MARCHF1: variants seen among roughly 807,000 people sequenced by gnomAD.
MARCHF1 encodes the protein membrane associated ring-CH-type finger 1.
A neutral mutation model predicts 54.2 loss-of-function variants in MARCHF1; 40 were observed. The ratio of observed to expected loss-of-function variants is 0.74; its 90% CI spans 0.57 to 0.96. The LOEUF is 0.96. MARCHF1 is among the 40% of genes least tolerant of loss of function. The pLI is 0.00. For missense variants in MARCHF1, 586 were observed against 656.5 expected, an observed-to-expected ratio of 0.89 and a Z score of 1.17; for synonymous variants, 236 against 236.3, an observed-to-expected ratio of 1.00 and a Z score of 0.01.
chr4:163,721,472 A>T (rs1451491150), intron 4 of MARCHF1, among the ~76,000 whole-genome samples: 4 of 151,990 alleles, frequency 2.6e-5, no homozygotes, highest in Non-Finnish European at 4.4e-5. Context: ...TTCATCAGGG[A>T]TGTTGGTCTA....
chr4:164,248,750 T>C (rs902898766), intron 1 of MARCHF1, among the ~76,000 whole-genome samples: 6 of 151,978 alleles, frequency 3.9e-5, no homozygotes, highest in Admixed American at 3.9e-4. Context: ...AAAAAATATA[T>C]ATATTACTGG....
At chr4:164,144,965 T>A (rs569206859) in intron 1 of MARCHF1, among the ~76,000 whole-genome samples, 1 of 109,486 alleles carries the variant, frequency 9.1e-6, no homozygotes, top group Non-Finnish European at 1.7e-5. Context: ...ATCAAATAGA[T>A]GCAATAAAAA....
At chr4:164,234,005 T>C (rs1217770583) in intron 1 of MARCHF1, among the ~76,000 whole-genome samples, 1 of 152,190 alleles carries the variant, frequency 6.6e-6, no homozygotes, top group East Asian at 1.9e-4. Flanking sequence ...AAATTATTTC[T>C]GAAGCATTTT....
At chr4:164,150,408 G>A (rs1183993458) in intron 1 of MARCHF1, among the ~76,000 whole-genome samples, 1 of 152,178 alleles carries the variant, frequency 6.6e-6, no homozygotes, top group Non-Finnish European at 1.5e-5. Flanking sequence ...AGACTTGTGT[G>A]TCTGCAAATA....
chr4:164,010,790 A>G (rs1353355875), intron 2 of MARCHF1, among the ~76,000 whole-genome samples: 1 of 152,188 alleles, frequency 6.6e-6, no homozygotes, highest in Non-Finnish European at 1.5e-5. Flanking sequence ...CAAGCACAAA[A>G]GACACCAAAT....
chr4:164,169,592 CA>C (rs1161377443), intron 1 of MARCHF1, among the ~76,000 whole-genome samples: 2 of 152,162 alleles, frequency 1.3e-5, no homozygotes, highest in Admixed American at 1.3e-4. Flanking sequence ...GGGATAATGG[CA>C]ATTCATAAAC....
chr4:163,583,650 G>GGGTTTTTTTTTT (rs1560956056), intron 8 of MARCHF1: 5 of 42,658 alleles, frequency 1.2e-4, no homozygotes, highest in African/African-American at 6.5e-4. Flanking sequence ...TGTTTTTTGT[G>GGGTTTTTTTTTT]TGTTTTTTTT....
At chr4:163,694,599 T>G (rs527495335) in intron 5 of MARCHF1, among the ~76,000 whole-genome samples, 4 of 152,256 alleles carry the variant, frequency 2.6e-5, no homozygotes, top group African/African-American at 9.6e-5. Context: ...CCTAGGAATA[T>G]TCTCATAGTG....
chr4:164,147,031 C>T (rs1448556663), intron 1 of MARCHF1, among the ~76,000 whole-genome samples: 1 of 151,996 alleles, frequency 6.6e-6, no homozygotes, highest in African/African-American at 2.4e-5. Context: ...ACAGACACTT[C>T]TCAAAAGAAG....
chr4:163,741,864 TA>T (rs1746205383), intron 4 of MARCHF1, among the ~76,000 whole-genome samples: 2 of 152,324 alleles, frequency 1.3e-5, no homozygotes, highest in South Asian at 4.2e-4. Context: ...ATATTATTTC[TA>T]ATTATTTCTA....
chr4:163,909,803 C>T (rs758584546), intron 3 of MARCHF1, among the ~76,000 whole-genome samples: 2 of 152,044 alleles, frequency 1.3e-5, no homozygotes, highest in Non-Finnish European at 2.9e-5. Context: ...AACAATCAGG[C>T]TATGGGCATA....
At chr4:163,769,428 T>C (rs747108598) in intron 4 of MARCHF1, among the ~76,000 whole-genome samples, 2 of 152,160 alleles carry the variant, frequency 1.3e-5, no homozygotes, top group African/African-American at 4.8e-5. Context: ...ATTTTACATA[T>C]ATTAATGTAT....
intron 1 of MARCHF1, among the ~76,000 whole-genome samples, chr4:164,157,387 G>A (rs1229310296): frequency 6.6e-6 from 1 of 152,024 alleles, no homozygotes; most frequent in African/African-American, 2.4e-5. Flanking sequence ...AATAAAAGGA[G>A]GCTTCACAGT....
At chr4:164,140,680 C>A (rs140065588) in intron 1 of MARCHF1, among the ~76,000 whole-genome samples, 1 of 152,238 alleles carries the variant, frequency 6.6e-6, no homozygotes, top group Non-Finnish European at 1.5e-5. Context: ...CAATACCTGT[C>A]GCCATCATTT....
At chr4:163,986,706 C>T (rs1752878059) in intron 3 of MARCHF1, among the ~76,000 whole-genome samples, 1 of 152,060 alleles carries the variant, frequency 6.6e-6, no homozygotes, top group African/African-American at 2.4e-5. Flanking sequence ...GATTAATACC[C>T]ATATCTTGAT....
intron 1 of MARCHF1, among the ~76,000 whole-genome samples, chr4:164,320,261 C>G (rs1192204290): frequency 6.6e-6 from 1 of 152,158 alleles, no homozygotes. Context: ...AGGTAGAATT[C>G]ATTCATTAGG....
chr4:163,941,014 G>C (rs879739536), intron 3 of MARCHF1, among the ~76,000 whole-genome samples: 1 of 151,950 alleles, frequency 6.6e-6, no homozygotes, highest in South Asian at 2.1e-4. Flanking sequence ...TGTCTTCCTC[G>C]GAGTTTCCAA....
chr4:163,756,832 C>G (rs1746689911), intron 4 of MARCHF1, among the ~76,000 whole-genome samples: 1 of 151,550 alleles, frequency 6.6e-6, no homozygotes, highest in Non-Finnish European at 1.5e-5. Context: ...GTTTAGAATT[C>G]TGATATTTTG....
intron 2 of MARCHF1, among the ~76,000 whole-genome samples, chr4:164,028,710 C>T (rs115507986): frequency 0.014 from 2,124 of 152,164 alleles, 43 homozygotes; most frequent in African/African-American, 0.045. Context: ...GCACAGGTAC[C>T]TCTTGAATCT....
Sources: gnomAD v4.1 joint callset for allele counts (sites outside exome capture counted in the v4.1 genomes callset) on GRCh38, gnomAD v4.1.1 for gene constraint, MANE v1.5 for transcripts, NCBI Gene and HGNC (gene_info 2026-07-23, HGNC 2026-07-21) for gene names.